Variants in NDST4 observed in about 807,000 individuals in gnomAD.
The protein encoded by NDST4 is N-deacetylase and N-sulfotransferase 4.
A neutral mutation model predicts 100.8 loss-of-function variants in NDST4; 63 were observed. The observed-to-expected ratio is 0.62, with a 90% CI of 0.51 to 0.77. NDST4 has a LOEUF of 0.77. NDST4 is among the 30% of genes least tolerant of loss of function. NDST4 has a pLI of 0.00. For synonymous variants in NDST4, 377 were observed against 361.8 expected, an observed-to-expected ratio of 1.04 and a Z score of -0.48; for missense variants, 943 against 1,018.4, an observed-to-expected ratio of 0.93 and a Z score of 1.01.
chr4:114,883,049 A>C (rs544023576), intron 6 of NDST4, among the ~76,000 whole-genome samples: 1 of 152,212 alleles, frequency 6.6e-6, no homozygotes, highest in East Asian at 1.9e-4. Flanking sequence ...AAAACAAAAA[A>C]CAGGAATTTC....
At chr4:114,857,215 G>A (rs955126695) in intron 7 of NDST4, among the ~76,000 whole-genome samples, 8 of 152,126 alleles carry the variant, frequency 5.3e-5, no homozygotes, top group African/African-American at 9.7e-5. Flanking sequence ...ATCATATTAC[G>A]CAAACCATAG....
intron 2 of NDST4, among the ~76,000 whole-genome samples, chr4:115,026,975 C>T (rs571101605): frequency 3.0e-4 from 46 of 152,176 alleles, no homozygotes; most frequent in African/African-American, 1.1e-3. Context: ...TGCTGACTTC[C>T]GTAATTCCAG....
intron 1 of NDST4, among the ~76,000 whole-genome samples, chr4:115,080,476 T>C (rs1729278202): frequency 1.3e-5 from 2 of 152,146 alleles, no homozygotes; most frequent in Non-Finnish European, 2.9e-5. Context: ...TTTGCAAAAG[T>C]CTTTGTTTCA....
intron 4 of NDST4, among the ~76,000 whole-genome samples, chr4:114,950,735 G>A (rs1313497842): frequency 1.3e-5 from 2 of 151,972 alleles, no homozygotes; most frequent in Non-Finnish European, 2.9e-5. Flanking sequence ...TTCTCCTCCT[G>A]CTTTCTGCCT....
intron 6 of NDST4, among the ~76,000 whole-genome samples, chr4:114,893,046 C>T (rs1273011571): frequency 1.3e-5 from 2 of 152,226 alleles, no homozygotes; most frequent in Non-Finnish European, 2.9e-5. Flanking sequence ...TTTCCATCTT[C>T]ATCCATGTCC....
At chr4:114,913,902 A>G (rs1725114521) in intron 6 of NDST4, among the ~76,000 whole-genome samples, 1 of 152,030 alleles carries the variant, frequency 6.6e-6, no homozygotes, top group African/African-American at 2.4e-5. Flanking sequence ...TGATATGTTA[A>G]AAAGTGTTGG....
At chr4:115,057,040 G>GTGCA in intron 2 of NDST4, among the ~76,000 whole-genome samples, 1 of 151,904 alleles carries the variant, frequency 6.6e-6, no homozygotes, top group South Asian at 2.1e-4. Context: ...ATACATGCTC[G>GTGCA]TGCACTGTAG....
At chr4:114,845,787 C>CA (rs747565469) in intron 10 of NDST4, 36 bp downstream of exon 10, 3 of 1,567,536 alleles carry the variant, frequency 1.9e-6, no homozygotes, top group Non-Finnish European at 1.7e-6. Context: ...TAAGCTATAA[C>CA]AAAATGCTTT....
At chr4:114,930,062 A>G (rs1353417327) in intron 6 of NDST4, among the ~76,000 whole-genome samples, 1 of 152,212 alleles carries the variant, frequency 6.6e-6, no homozygotes. Context: ...AATTCTCAGT[A>G]AGGGAAGGAA....
intron 2 of NDST4, among the ~76,000 whole-genome samples, chr4:115,060,012 T>C (rs1160981984): frequency 6.6e-6 from 1 of 152,002 alleles, no homozygotes; most frequent in Admixed American, 6.6e-5. Context: ...TCTCAGATAG[T>C]TCCCGTTCCA....
Position 115,014,677 on chromosome 4 carries a change from G to A in NDST4, c.979-37403C>T, listed in dbSNP as rs572614267. Among the ~76,000 whole-genome samples the A allele has an allele frequency of 3.9e-5, 6 of 152,158 alleles. No individual in the cohort carries two copies. The South Asian group carries it at 1.0e-3, about 26-fold the overall frequency. On this transcript the variant is annotated intron_variant, in intron 2 of 13. Coordinates refer to ENST00000264363, the MANE Select transcript of NDST4 (RefSeq NM_022569.3). ...TCAAATCAATGGTGCTTGGAGTATC[G>A]ATGGCAGAGGATGCTGCTTGGAGTT...
intron 4 of NDST4, among the ~76,000 whole-genome samples, chr4:114,965,683 T>C (rs868302482): frequency 6.6e-6 from 1 of 152,042 alleles, no homozygotes; most frequent in South Asian, 2.1e-4. Context: ...TCTGCAACTA[T>C]TAGTGAACTG....
intron 2 of NDST4, among the ~76,000 whole-genome samples, chr4:114,986,832 A>ATATATTTTTTTTT: frequency 1.3e-4 from 12 of 94,656 alleles, no homozygotes; most frequent in Non-Finnish European, 1.9e-4. Flanking sequence ...ATATATATAT[A>ATATATTTTTTTTT]TTTTAATATA....
At position 114,927,944 on chromosome 4, in the gene NDST4, G is replaced by A. The variant is rs547121311; in HGVS notation, c.1536+7262C>T. Among the ~76,000 whole-genome samples the A allele has an allele frequency of 5.7e-4, 87 of 152,228 alleles. 1 individual carries two copies. In the South Asian group the frequency reaches 0.01, roughly 18 times the overall value. ...GCTGGGAAAGTAGGTAGAGAAAATG[G>A]TAGTCTCTGGATGATTTCATGGATG... On this transcript the variant is annotated intron_variant, in intron 6 of 13. Coordinates refer to ENST00000264363, the MANE Select transcript of NDST4 (RefSeq NM_022569.3).
intron 1 of NDST4, among the ~76,000 whole-genome samples, chr4:115,102,865 C>T (rs377352127): frequency 9.9e-5 from 15 of 151,752 alleles, no homozygotes; most frequent in Non-Finnish European, 1.6e-4. Flanking sequence ...CCTGCCACCA[C>T]GCCTGGCTAA....
chr4:114,827,820 C>T lies in NDST4; in HGVS notation c.2615G>A (p.Arg872Lys), dbSNP rs1723110502. 1 of 1,610,518 alleles carries T rather than the reference C, an allele frequency of 6.2e-7. No homozygotes were observed. The highest frequency in any genetic ancestry group is 8.5e-7 in the Non-Finnish European group (1 of 1,178,722). ...SWLRQELQKV[R>K] Reference sequence around the variant, plus strand: ...GCTTAGTTCTTGTCTCCAGTGCTATCTCACTTTCTGCAGTTCCTGTCTCAG... The same window carrying T: ...GCTTAGTTCTTGTCTCCAGTGCTATTTCACTTTCTGCAGTTCCTGTCTCAG... The change falls in exon 14 of 14, where the codon AGA (arginine) becomes AAA (lysine). Residue 872 changes from arginine to lysine, a missense_variant. Arg to Lys is a conservative substitution (Grantham distance 26). Around this residue, in one of 2 missense-constraint regions of NDST4, gnomAD observed 526 missense variants for 634.1 expected, o/e 0.83. Coordinates refer to ENST00000264363, the MANE Select transcript of NDST4 (RefSeq NM_022569.3).
intron 6 of NDST4, among the ~76,000 whole-genome samples, chr4:114,872,369 A>T (rs1214920614): frequency 6.6e-6 from 1 of 152,082 alleles, no homozygotes; most frequent in African/African-American, 2.4e-5. Context: ...TGAGATTCAT[A>T]TGGAATCATT....
At chr4:114,846,572 C>G (rs1437882584) in intron 9 of NDST4, among the ~76,000 whole-genome samples, 1 of 152,074 alleles carries the variant, frequency 6.6e-6, no homozygotes, top group African/African-American at 2.4e-5. Flanking sequence ...GGGGATATTT[C>G]CTGCCAGTTG....
intron 1 of NDST4, among the ~76,000 whole-genome samples, chr4:115,096,293 A>G (rs902813512): frequency 1.3e-5 from 2 of 151,608 alleles, no homozygotes; most frequent in Non-Finnish European, 2.9e-5. Flanking sequence ...TACTCAACTG[A>G]CTTAAATTCA....
Sources: gnomAD v4.1 joint callset for allele counts (sites outside exome capture counted in the v4.1 genomes callset) on GRCh38, gnomAD v4.1.1 for gene constraint, gnomAD v4.1.1 regional missense constraint, MANE v1.5 for transcripts, NCBI Gene and HGNC (gene_info 2026-07-23, HGNC 2026-07-21) for gene names.